Variants in ZNF423 observed in about 807,000 individuals in gnomAD.
The protein encoded by ZNF423 is Ebf-associated zinc finger protein.
ZNF423 carries 12 observed loss-of-function variants against 95.8 expected under a neutral mutation model. That is an observed-to-expected ratio of 0.13 (90% CI 0.08 to 0.20). ZNF423 has a LOEUF of 0.20. Among genes scored for constraint, ZNF423 ranks in the 10% least tolerant of loss-of-function variants. The pLI is 1.00. For synonymous variants in ZNF423, 749 were observed against 711.9 expected (o/e 1.05, Z -0.83); for missense variants, 1,316 against 1,737.1 (o/e 0.76, Z 4.31).
At chr16:49,612,817 G>A (rs1370075280) in intron 5 of ZNF423, among the ~76,000 whole-genome samples, 1 of 152,116 alleles carries the variant, frequency 6.6e-6, no homozygotes, top group East Asian at 1.9e-4. Context: ...CAACTAAGTT[G>A]AGCAAAGTCA....
chr16:49,844,568 G>A (rs1303275779), intron 1 of ZNF423, among the ~76,000 whole-genome samples: 2 of 152,158 alleles, frequency 1.3e-5, no homozygotes, highest in Non-Finnish European at 2.9e-5. Flanking sequence ...TCCTGCAAAG[G>A]CCTGTGCTCC....
intron 2 of ZNF423, among the ~76,000 whole-genome samples, chr16:49,742,387 C>A (rs899744818): frequency 4.6e-5 from 7 of 152,034 alleles, no homozygotes; most frequent in African/African-American, 1.7e-4. Flanking sequence ...CCTCAAACAC[C>A]CCCTGCAAGA....
intron 4 of ZNF423, among the ~76,000 whole-genome samples, chr16:49,626,531 C>A (rs1972277299): frequency 6.6e-6 from 1 of 152,092 alleles, no homozygotes; most frequent in African/African-American, 2.4e-5. Context: ...GGGAGGCCTC[C>A]TTGCTTAGAA....
intron 3 of ZNF423, among the ~76,000 whole-genome samples, chr16:49,703,567 T>C (rs376748639): frequency 3.9e-5 from 6 of 152,244 alleles, no homozygotes; most frequent in African/African-American, 1.4e-4. Flanking sequence ...GACAAATGGC[T>C]CTTCCTAGAG....
chr16:49,636,171 T>G lies in ZNF423; in HGVS notation c.3005A>C (p.Lys1002Thr). Residue 1002 changes from lysine to threonine, a missense_variant, in exon 4 of 8, where the codon AAG (lysine) becomes ACG (threonine). Coordinates refer to ENST00000563137, the MANE Select transcript of ZNF423 (RefSeq NM_001379286.1). This position sits in a 1 kb window ranked among gnomAD's most constrained non-coding sequence, Gnocchi z 8.6. ...CTCCTCCTCGCTCTGCAGGGGCATC[T>G]TGCAGATGCGACAGGTGCCCGTGTC... ...SLDTGTCRICKMPLQSEEEFI... is the reference protein window; with the variant it reads ...SLDTGTCRICTMPLQSEEEFI... The G allele has an allele frequency of 1.9e-6, 3 of 1,613,680 alleles. No individual in the cohort carries two copies. Among genetic ancestry groups the G allele is most frequent in the Non-Finnish European group, 2.5e-6 (3 of 1,180,024 alleles).
chr16:49,800,294 G>A (rs2034562645), intron 1 of ZNF423, among the ~76,000 whole-genome samples: 1 of 151,668 alleles, frequency 6.6e-6, no homozygotes, highest in South Asian at 2.1e-4. Flanking sequence ...TCACTATGTT[G>A]CCCAGACTGG....
chr16:49,554,784 CCT>C (rs902386150), intron 5 of ZNF423, among the ~76,000 whole-genome samples: 2 of 151,876 alleles, frequency 1.3e-5, no homozygotes, highest in Non-Finnish European at 2.9e-5. Context: ...TAATTCTACC[CCT>C]GTTAGAAACC....
chr16:49,539,109 G>GA (rs139742884), intron 5 of ZNF423, among the ~76,000 whole-genome samples: 6,745 of 152,200 alleles, frequency 0.044, 528 homozygotes, highest in African/African-American at 0.16. Context: ...GTGGCAGCAG[G>GA]CACAGGTCCC....
intron 7 of ZNF423, among the ~76,000 whole-genome samples, chr16:49,512,952 C>T (rs536041646): frequency 3.9e-4 from 60 of 152,176 alleles, no homozygotes; most frequent in African/African-American, 1.4e-3. Context: ...CAAAATTAGC[C>T]AGGCATGGTG....
At chr16:49,647,723 C>A (rs1973232792) in intron 3 of ZNF423, among the ~76,000 whole-genome samples, 1 of 152,242 alleles carries the variant, frequency 6.6e-6, no homozygotes, top group East Asian at 1.9e-4. Flanking sequence ...GAATGCGGCC[C>A]TGCCAACACC....
intron 3 of ZNF423, among the ~76,000 whole-genome samples, chr16:49,654,686 T>G (rs1189211203): frequency 1.3e-5 from 2 of 152,240 alleles, no homozygotes; most frequent in African/African-American, 4.8e-5. Context: ...CGTGATCATT[T>G]TAGGGCGCAG....
intron 7 of ZNF423, among the ~76,000 whole-genome samples, chr16:49,491,886 C>A (rs1267220265): frequency 1.3e-5 from 2 of 152,186 alleles, no homozygotes; most frequent in Admixed American, 6.5e-5. Flanking sequence ...GGTCACCCGG[C>A]AGGAAGACGC....
chr16:49,856,382 G>T (rs2035370381), upstream of ZNF423, among the ~76,000 whole-genome samples: 2 of 147,740 alleles, frequency 1.4e-5, no homozygotes, highest in South Asian at 4.4e-4. Context: ...AAGGGGGGAG[G>T]AGACCGGGAG....
intron 5 of ZNF423, among the ~76,000 whole-genome samples, chr16:49,565,011 T>C (rs1253664755): frequency 6.6e-6 from 1 of 152,178 alleles, no homozygotes; most frequent in African/African-American, 2.4e-5. Flanking sequence ...TTCCATCCTG[T>C]TCTTGAGGTT....
chr16:49,696,454 G>A (rs1478108723), intron 3 of ZNF423, among the ~76,000 whole-genome samples: 2 of 152,190 alleles, frequency 1.3e-5, no homozygotes, highest in African/African-American at 4.8e-5. Context: ...GGCTCCCCAT[G>A]GTGCCAGATT....
At position 49,617,830 on chromosome 16, in the gene ZNF423, T is replaced by C. The variant is rs1262444986; in HGVS notation, c.3601+8340A>G. Among the ~76,000 whole-genome samples, 4 of 152,216 alleles carry C rather than the reference T, an allele frequency of 2.6e-5. No homozygotes were observed. In the East Asian group the frequency reaches 5.8e-4, roughly 22 times the overall value. On this transcript the variant is annotated intron_variant, in intron 5 of 7. Transcript: ENST00000563137. ...GACCCTGCTCACACCCAGGACACAA[T>C]GGCCACTTGTTGCTGAGCCACACAG... is the stretch of plus-strand genomic sequence containing the variant.
chr16:49,671,127 G>A (rs372185996), intron 3 of ZNF423, among the ~76,000 whole-genome samples: 11 of 152,226 alleles, frequency 7.2e-5, no homozygotes, highest in Non-Finnish European at 1.6e-4. Flanking sequence ...CAGGATTCCC[G>A]GGACTAGGAA....
intron 3 of ZNF423, among the ~76,000 whole-genome samples, chr16:49,642,155 G>T (rs925125839): frequency 2.0e-5 from 3 of 152,116 alleles, no homozygotes. Flanking sequence ...GTCTATTATC[G>T]CAATTAATTT....
chr16:49,528,334 A>G (rs1260503514), intron 5 of ZNF423, among the ~76,000 whole-genome samples: 3 of 152,168 alleles, frequency 2.0e-5, no homozygotes, highest in South Asian at 2.1e-4. Context: ...GCCCATGTTC[A>G]TAAATATGTG....
Sources: allele counts gnomAD v4.1 joint callset (sites outside exome capture counted in the v4.1 genomes callset), GRCh38; gene constraint gnomAD v4.1.1; non-coding constraint Gnocchi (gnomAD v3.1); transcripts MANE v1.5; gene names NCBI Gene and HGNC (gene_info 2026-07-23, HGNC 2026-07-21).